The following SUMF1 variants were observed in gnomAD, a reference collection of about 807,000 sequenced individuals.
SUMF1 encodes the protein formylglycine-generating enzyme.
Under a neutral mutation model 47.6 loss-of-function variants are expected in SUMF1, and 48 were observed. The observed-to-expected ratio is 1.01, with a 90% CI of 0.80 to 1.28. SUMF1 has a LOEUF of 1.28. SUMF1 is among the 50% of genes most tolerant of loss of function. The pLI is 0.00. For missense variants in SUMF1, 571 were observed against 485.4 expected, an observed-to-expected ratio of 1.18 and a Z score of -1.66; for synonymous variants, 230 against 192.1, an observed-to-expected ratio of 1.20 and a Z score of -1.63.
At chr3:4,420,687 C>T (rs1323535966) in intron 3 of SUMF1, among the ~76,000 whole-genome samples, 4 of 152,122 alleles carry the variant, frequency 2.6e-5, no homozygotes, top group African/African-American at 9.7e-5. Context: ...TGAGCCACCA[C>T]ACCCGGCCTC....
intron 8 of SUMF1, among the ~76,000 whole-genome samples, chr3:4,328,193 T>A (rs1225124747): frequency 6.6e-6 from 1 of 152,136 alleles, no homozygotes; most frequent in Non-Finnish European, 1.5e-5. Flanking sequence ...CATTCCAGCC[T>A]GGGTGACCAA....
intron 8 of SUMF1, chr3:4,303,249 C>A (rs964073847): frequency 7.2e-6 from 8 of 1,112,498 alleles, no homozygotes; most frequent in Non-Finnish European, 9.8e-6. Context: ...CCTTCCAGGC[C>A]ACTCCTGAGA....
intron 7 of SUMF1, among the ~76,000 whole-genome samples, chr3:4,379,294 G>C (rs1700424273): frequency 6.6e-6 from 1 of 152,194 alleles, no homozygotes; most frequent in South Asian, 2.1e-4. Flanking sequence ...ATTAATATAA[G>C]ATCATATTGG....
At chr3:4,069,793 G>C (rs750923649) in intron 8 of SUMF1, among the ~76,000 whole-genome samples, 1 of 152,032 alleles carries the variant, frequency 6.6e-6, no homozygotes, top group African/African-American at 2.4e-5. Context: ...TATGAGATAA[G>C]GAAAAATATA....
chr3:4,213,172 G>A (rs1010638408), intron 8 of SUMF1, among the ~76,000 whole-genome samples: 1 of 152,088 alleles, frequency 6.6e-6, no homozygotes, highest in East Asian at 1.9e-4. Context: ...GAAAGGTCGG[G>A]TTACACACAA....
intron 8 of SUMF1, among the ~76,000 whole-genome samples, chr3:4,204,741 T>A (rs1574975816): frequency 6.6e-6 from 1 of 152,202 alleles, no homozygotes; most frequent in South Asian, 2.1e-4. Flanking sequence ...AATTCTTTCT[T>A]CCGCTTGATC....
At chr3:4,166,615 C>G (rs1455531408) in intron 8 of SUMF1, among the ~76,000 whole-genome samples, 1 of 152,048 alleles carries the variant, frequency 6.6e-6, no homozygotes, top group African/African-American at 2.4e-5. Context: ...CATGACTAGC[C>G]TCAGAGAAGA....
chr3:4,056,789 T>C (rs768472483), intron 9 of SUMF1, among the ~76,000 whole-genome samples: 28 of 152,276 alleles, frequency 1.8e-4, no homozygotes, highest in Admixed American at 3.3e-4. Context: ...CTGCCCAGGC[T>C]AGAGTGCAGT....
intron 3 of SUMF1, among the ~76,000 whole-genome samples, chr3:4,437,769 T>C (rs948724990): frequency 6.6e-6 from 1 of 152,034 alleles, no homozygotes; most frequent in African/African-American, 2.4e-5. Context: ...TGAAACCCCA[T>C]TTCTACTAAA....
chr3:4,431,242 C>T (rs1489330803), intron 3 of SUMF1, among the ~76,000 whole-genome samples: 1 of 152,226 alleles, frequency 6.6e-6, no homozygotes, highest in Admixed American at 6.5e-5. Context: ...AAGCCACAGA[C>T]CGGATTGAGA....
Position 4,423,255 on chromosome 3 carries a change from A to C in SUMF1, c.520-3109T>G, listed in dbSNP as rs1039977717. Among the ~76,000 whole-genome samples the C allele has an allele frequency of 1.5e-4, 22 of 149,468 alleles. 1 individual carries two copies. In the Admixed American group the frequency reaches 1.5e-3, roughly 10 times the overall value. On this transcript the variant is annotated intron_variant, in intron 3 of 8. Coordinates refer to ENST00000272902, the MANE Select transcript of SUMF1 (RefSeq NM_182760.4). The stretch of plus-strand genomic sequence containing the variant: ...GAACCAACCCAAATGCCCACCAATC[A>C]ACAAGTGAATAAAGAAACTGTGATA...
chr3:4,225,527 T>C (rs1221306194), intron 8 of SUMF1, among the ~76,000 whole-genome samples: 3 of 152,104 alleles, frequency 2.0e-5, no homozygotes, highest in Non-Finnish European at 4.4e-5. Flanking sequence ...CTTGACCAGA[T>C]AGAACAGCAG....
chr3:4,385,303 T>G (rs1177617411), intron 7 of SUMF1, among the ~76,000 whole-genome samples: 1 of 152,242 alleles, frequency 6.6e-6, no homozygotes, highest in Non-Finnish European at 1.5e-5. Context: ...CAGTCACTAC[T>G]TTTTAATTTT....
chr3:4,375,438 G>A (rs141274440), intron 8 of SUMF1, among the ~76,000 whole-genome samples: 1 of 152,100 alleles, frequency 6.6e-6, no homozygotes, highest in Non-Finnish European at 1.5e-5. Flanking sequence ...TCAGAATGGG[G>A]GTGAGTGAGG....
intron 8 of SUMF1, among the ~76,000 whole-genome samples, chr3:4,278,666 A>G (rs957066322): frequency 6.6e-6 from 1 of 152,144 alleles, no homozygotes; most frequent in African/African-American, 2.4e-5. Flanking sequence ...CACTGTCATC[A>G]GTCGAACCAA....
downstream of SUMF1, among the ~76,000 whole-genome samples, chr3:4,359,682 C>T (rs115347752): frequency 0.021 from 3,138 of 152,202 alleles, 108 homozygotes; most frequent in African/African-American, 0.071. Flanking sequence ...CTTGTAAAAC[C>T]ATCAGAACTA....
intron 8 of SUMF1, among the ~76,000 whole-genome samples, chr3:4,342,464 C>A (rs1699291677): frequency 1.3e-5 from 2 of 152,158 alleles, no homozygotes; most frequent in South Asian, 4.1e-4. Context: ...ACCCAGAAGA[C>A]AAAGGTTTCA....
At chr3:4,312,869 C>T in intron 8 of SUMF1, 1 of 1,565,042 alleles carries the variant, frequency 6.4e-7, no homozygotes, top group South Asian at 1.2e-5. Context: ...ACATGCCGTG[C>T]TGACTTACAG....
In SUMF1 at chr3:4,371,441, T is replaced by G. The variant is rs73809523; in HGVS notation, c.1014+4889A>C. 3.8e-3 allele frequency among the ~76,000 whole-genome samples: 580 copies of G among 152,346 alleles called. 5 individuals are homozygous for G. The highest frequency in any genetic ancestry group is 0.013 in the African/African-American group (554 of 41,588). ...AAGGGGAGCAGCAATATGGTTTTTA[T>G]GAGAGGGAGACTTTTTGGTACAAAG... is the stretch of plus-strand genomic sequence containing the variant. On this transcript the variant is annotated intron_variant, in intron 8 of 8. Coordinates refer to ENST00000272902, the MANE Select transcript of SUMF1 (RefSeq NM_182760.4).
Sources: allele counts gnomAD v4.1 joint callset (sites outside exome capture counted in the v4.1 genomes callset), GRCh38; gene constraint gnomAD v4.1.1; transcripts MANE v1.5; gene names NCBI Gene and HGNC (gene_info 2026-07-23, HGNC 2026-07-21).